INPP4B: variants seen among roughly 807,000 people sequenced by gnomAD.
The protein encoded by INPP4B is inositol polyphosphate 4-phosphatase type II.
Under a neutral mutation model 122.5 loss-of-function variants are expected in INPP4B, and 55 were observed. The observed-to-expected ratio is 0.45, with a 90% CI of 0.36 to 0.56. INPP4B has a LOEUF of 0.56. Among genes scored for constraint, INPP4B ranks in the 20% least tolerant of loss-of-function variants. The probability of loss-of-function intolerance (pLI) is 0.00; values close to 1 mark genes in which losing one functional copy is unlikely to be tolerated. For synonymous variants in INPP4B, 403 were observed against 388.7 expected, an observed-to-expected ratio of 1.04 and a Z score of -0.43; for missense variants, 1,000 against 1,097.7, an observed-to-expected ratio of 0.91 and a Z score of 1.26.
intron 2 of INPP4B, among the ~76,000 whole-genome samples, chr4:142,521,229 C>G (rs1455799359): frequency 6.6e-6 from 1 of 151,702 alleles, no homozygotes; most frequent in Non-Finnish European, 1.5e-5. Flanking sequence ...CCCAAAATAT[C>G]CATGAGTTGT....
intron 5 of INPP4B, chr4:142,423,764 A>T (rs1009322712): frequency 4.7e-6 from 2 of 429,252 alleles, no homozygotes; most frequent in Admixed American, 2.9e-5. Flanking sequence ...TCCATAGAAA[A>T]AAAACAGACC....
chr4:142,398,438 AT>A (rs1164885227), intron 7 of INPP4B, among the ~76,000 whole-genome samples: 68 of 106,924 alleles, frequency 6.4e-4, no homozygotes, highest in African/African-American at 2.7e-3. Flanking sequence ...ATATATATAT[AT>A]ATATATAAAA....
chr4:142,373,831 T>C lies in INPP4B; in HGVS notation c.372+29107A>G, dbSNP rs528474820. On this transcript the variant is annotated intron_variant, in intron 7 of 25. Transcript: ENST00000262992. ...CCAGTTGAGAGCTTTCCTGTGGTTATTGTTAAAGCAAACAAACAAAAAGCA... is the reference window on the plus strand; with the variant it reads ...CCAGTTGAGAGCTTTCCTGTGGTTACTGTTAAAGCAAACAAACAAAAAGCA... Among the ~76,000 whole-genome samples the C allele has an allele frequency of 5.3e-5, 8 of 152,124 alleles. No homozygotes were observed. In the East Asian group the frequency reaches 1.5e-3, roughly 29 times the overall value.
intron 1 of INPP4B, among the ~76,000 whole-genome samples, chr4:142,759,365 G>A (rs1442017723): frequency 5.3e-5 from 8 of 152,020 alleles, no homozygotes; most frequent in Admixed American, 4.6e-4. Flanking sequence ...CATTAAAATG[G>A]TTCTTTCAAA....
intron 2 of INPP4B, among the ~76,000 whole-genome samples, chr4:142,471,216 C>T (rs193072771): frequency 5.3e-5 from 8 of 152,118 alleles, no homozygotes; most frequent in African/African-American, 1.2e-4. Context: ...TTTTAATTAA[C>T]GATCAAAATA....
At chr4:142,295,118 G>A (rs940088050) in intron 9 of INPP4B, among the ~76,000 whole-genome samples, 5 of 152,142 alleles carry the variant, frequency 3.3e-5, no homozygotes, top group African/African-American at 1.2e-4. Flanking sequence ...ACAAACAAAA[G>A]GCAGAGCTTT....
chr4:142,617,233 C>T (rs1398428902), intron 2 of INPP4B, among the ~76,000 whole-genome samples: 1 of 152,110 alleles, frequency 6.6e-6, no homozygotes, highest in African/African-American at 2.4e-5. Context: ...TACCAGAATA[C>T]TCTGTGCCTA....
chr4:142,693,217 A>G (rs1283226650), intron 2 of INPP4B, among the ~76,000 whole-genome samples: 1 of 152,114 alleles, frequency 6.6e-6, no homozygotes, highest in South Asian at 2.1e-4. Context: ...TAACCTTGGT[A>G]TGTGTCATGG....
chr4:142,028,898 C>T lies in INPP4B; in HGVS notation c.2659G>A (p.Glu887Lys). Residue 887 changes from glutamate to lysine, a missense_variant, in exon 26 of 26, where the codon GAG becomes AAG. Coordinates refer to ENST00000262992, the MANE Select transcript of INPP4B (RefSeq NM_001101669.3). ...DCMRREGCRIENVLKNIKCRK... is the reference protein window; with the variant it reads ...DCMRREGCRIKNVLKNIKCRK... ...CATTTGATATTCTTCAGTACATTCT[C>T]TATGCGGCATCCTTCTCTGGTGAAA... 1 of 1,612,036 alleles carries T rather than the reference C, an allele frequency of 6.2e-7. No homozygotes were observed. Among genetic ancestry groups the T allele is most frequent in the Non-Finnish European group, 8.5e-7 (1 of 1,179,208 alleles).
chr4:142,300,461 C>T (rs1262945060), intron 9 of INPP4B, among the ~76,000 whole-genome samples: 1 of 151,962 alleles, frequency 6.6e-6, no homozygotes, highest in Non-Finnish European at 1.5e-5. Flanking sequence ...TTTAAGGAGG[C>T]TAATTAACCA....
chr4:142,448,935 C>T (rs1452336459), intron 3 of INPP4B, among the ~76,000 whole-genome samples: 1 of 152,142 alleles, frequency 6.6e-6, no homozygotes, highest in African/African-American at 2.4e-5. Flanking sequence ...TGGCTTCTCA[C>T]GGAGACCCCT....
rs142520309 is a variant in INPP4B at position 142,589,359 on chromosome 4, G to A, written c.-190-126633C>T. ...ACACTATTAAGGTATCAAAAGACAA[G>A]ACACAGACTAGAATAAAATATTTGC... On this transcript the variant is annotated intron_variant, in intron 2 of 25. Transcript: ENST00000262992. Among the ~76,000 whole-genome samples, 801 of 152,020 alleles carry A rather than the reference G, an allele frequency of 5.3e-3. 6 individuals are homozygous for A. Among genetic ancestry groups the A allele is most frequent in the African/African-American group, 0.018 (727 of 41,520 alleles).
chr4:142,796,711 T>C (rs1478204210), intron 1 of INPP4B, among the ~76,000 whole-genome samples: 1 of 151,944 alleles, frequency 6.6e-6, no homozygotes, highest in African/African-American at 2.4e-5. Flanking sequence ...GATAATGAAG[T>C]TGGCACCTAC....
chr4:142,415,577 T>C (rs558846011), intron 5 of INPP4B, among the ~76,000 whole-genome samples: 24 of 152,082 alleles, frequency 1.6e-4, no homozygotes, highest in African/African-American at 5.3e-4. Context: ...AGTTCAACCA[T>C]TGTGGAAGTC....
chr4:142,760,624 G>T (rs1326948727), intron 1 of INPP4B, among the ~76,000 whole-genome samples: 1 of 152,000 alleles, frequency 6.6e-6, no homozygotes, highest in Non-Finnish European at 1.5e-5. Context: ...CATGTTACAT[G>T]AGAACAGCTA....
chr4:142,250,958 T>C (rs922477261), intron 11 of INPP4B, among the ~76,000 whole-genome samples: 1 of 152,222 alleles, frequency 6.6e-6, no homozygotes, highest in East Asian at 1.9e-4. Context: ...ATGTCAGTAG[T>C]TTTTGTCATA....
At chr4:142,110,619 C>T (rs566535323) in intron 22 of INPP4B, among the ~76,000 whole-genome samples, 4 of 152,236 alleles carry the variant, frequency 2.6e-5, no homozygotes, top group South Asian at 4.1e-4. Flanking sequence ...TGTCAGAGTG[C>T]TATTCAAATT....
At chr4:142,702,737 A>C (rs1217785042) in intron 2 of INPP4B, among the ~76,000 whole-genome samples, 1 of 151,034 alleles carries the variant, frequency 6.6e-6, no homozygotes, top group Non-Finnish European at 1.5e-5. Context: ...TCTCAAAAAA[A>C]AAAAAAAAAA....
chr4:142,368,224 TATA>T (rs1788318067), intron 7 of INPP4B, among the ~76,000 whole-genome samples: 1 of 152,166 alleles, frequency 6.6e-6, no homozygotes, highest in Non-Finnish European at 1.5e-5. Context: ...AAGTTATCAT[TATA>T]ATAATAAATG....
Sources: gnomAD v4.1 joint callset for allele counts (sites outside exome capture counted in the v4.1 genomes callset) on GRCh38, gnomAD v4.1.1 for gene constraint, MANE v1.5 for transcripts, NCBI Gene and HGNC (gene_info 2026-07-23, HGNC 2026-07-21) for gene names.